The following CSGALNACT1 variants were observed in gnomAD, a reference collection of about 807,000 sequenced individuals.
CSGALNACT1 encodes the protein beta4GalNAcT-1.
CSGALNACT1 carries 52 observed loss-of-function variants against 51.0 expected under a neutral mutation model. The ratio of observed to expected loss-of-function variants is 1.02; its 90% confidence interval spans 0.82 to 1.29. The LOEUF (loss-of-function observed/expected upper bound fraction) is 1.29. Ranked by LOEUF, CSGALNACT1 falls within the 50% of genes most tolerant of loss-of-function variation. The pLI, the probability that CSGALNACT1 is intolerant of heterozygous loss-of-function variation, is 0.00. For missense variants in CSGALNACT1, 935 were observed against 679.2 expected, an observed-to-expected ratio of 1.38 and a Z score of -4.19; for synonymous variants, 341 against 254.4, an observed-to-expected ratio of 1.34 and a Z score of -3.24.
intron 3 of CSGALNACT1, among the ~76,000 whole-genome samples, chr8:19,506,711 G>A (rs188739901): frequency 6.6e-6 from 1 of 152,226 alleles, no homozygotes; most frequent in East Asian, 1.9e-4. Context: ...TTGTTGAAAA[G>A]AGCCTGGCTC....
At chr8:19,518,038 G>C (rs1254051854) in intron 3 of CSGALNACT1, among the ~76,000 whole-genome samples, 8 of 152,206 alleles carry the variant, frequency 5.3e-5, no homozygotes, top group Admixed American at 5.2e-4. Context: ...GGAGAGATCA[G>C]GGTCTGAGGT....
intron 1 of CSGALNACT1, among the ~76,000 whole-genome samples, chr8:19,709,312 ATATAT>A (rs1434953755): frequency 6.6e-6 from 1 of 152,218 alleles, no homozygotes; most frequent in Non-Finnish European, 1.5e-5. Context: ...CGTTATATGT[ATATAT>A]TATACCAGGC....
chr8:19,753,531 C>T (rs75211338), intron 1 of CSGALNACT1, among the ~76,000 whole-genome samples: 32,353 of 152,024 alleles, frequency 0.21, 3,551 homozygotes, highest in African/African-American at 0.24. Flanking sequence ...GTTGTGGTTT[C>T]GTTGGGTTTT....
chr8:19,570,780 A>G (rs371162765), intron 3 of CSGALNACT1, among the ~76,000 whole-genome samples: 9 of 152,118 alleles, frequency 5.9e-5, no homozygotes, highest in African/African-American at 1.7e-4. Flanking sequence ...GGTGCCTGTA[A>G]TCCCAGCTAC....
At chr8:19,485,328 T>A (rs2072604958) in intron 4 of CSGALNACT1, among the ~76,000 whole-genome samples, 1 of 152,148 alleles carries the variant, frequency 6.6e-6, no homozygotes, top group Admixed American at 6.5e-5. Context: ...ATGCTGCTCC[T>A]ACCTTCAAAA....
At chr8:19,666,797 A>C (rs897912462) in intron 1 of CSGALNACT1, among the ~76,000 whole-genome samples, 1 of 22,012 alleles carries the variant, frequency 4.5e-5, no homozygotes, top group Non-Finnish European at 7.8e-5. Flanking sequence ...GAAAGAAAGA[A>C]AGAAAGAAAG....
rs560971121 is a variant in CSGALNACT1 at position 19,407,653 on chromosome 8, T to C, written c.1309+960A>G. 4.8e-4 allele frequency among the ~76,000 whole-genome samples: 73 copies of C among 152,312 alleles called. 1 individual carries two copies. In the Middle Eastern group the frequency reaches 0.01, roughly 21 times the overall value. ...GAGGATCTCTTTCCCTTTGACATGC[T>C]TGGTCTCCTCACCTAGATCCCAAGG... On this transcript the variant is annotated intron_variant, in intron 9 of 9. Transcript: ENST00000454498.
At chr8:19,502,834 G>A (rs767461013) in intron 4 of CSGALNACT1, among the ~76,000 whole-genome samples, 1 of 152,030 alleles carries the variant, frequency 6.6e-6, no homozygotes, top group Non-Finnish European at 1.5e-5. Context: ...AACCAGGATT[G>A]AAAAGGTCCC....
At chr8:19,717,370 A>G (rs902815978) in intron 1 of CSGALNACT1, among the ~76,000 whole-genome samples, 6 of 152,226 alleles carry the variant, frequency 3.9e-5, no homozygotes, top group African/African-American at 1.4e-4. Context: ...GACTGCAGAA[A>G]ATATCTTCTG....
At chr8:19,596,245 A>C (rs1033952699) in intron 2 of CSGALNACT1, among the ~76,000 whole-genome samples, 11 of 152,262 alleles carry the variant, frequency 7.2e-5, no homozygotes, top group African/African-American at 2.4e-4. Context: ...CCTATGTGTC[A>C]GCTGAACATT....
chr8:19,729,927 C>T (rs2063599146), intron 1 of CSGALNACT1, among the ~76,000 whole-genome samples: 1 of 152,122 alleles, frequency 6.6e-6, no homozygotes, highest in African/African-American at 2.4e-5. Flanking sequence ...TTCATTTCCC[C>T]AGCACCTTCA....
chr8:19,646,860 A>G (rs2057326193), intron 1 of CSGALNACT1, among the ~76,000 whole-genome samples: 1 of 152,218 alleles, frequency 6.6e-6, no homozygotes, highest in African/African-American at 2.4e-5. Context: ...AGAGGGGGAT[A>G]AGAGACACAC....
At position 19,406,400 on chromosome 8, in the gene CSGALNACT1, C is replaced by T. The variant is rs368355214; in HGVS notation, c.1310-331G>A. On this transcript the variant is annotated intron_variant, in intron 9 of 9. Coordinates refer to ENST00000454498, the Ensembl canonical transcript of CSGALNACT1. ...GGGTACAAAAATAAGATCTAGTATT[C>T]GGTAGCATTATTACTGACAGACTTA... Among the ~76,000 whole-genome samples, 13 of 151,428 alleles carry T rather than the reference C, an allele frequency of 8.6e-5. 1 individual carries two copies. The East Asian group carries it at 1.9e-3, about 23-fold the overall frequency.
intron 5 of CSGALNACT1, among the ~76,000 whole-genome samples, chr8:19,453,115 A>C (rs561674107): frequency 1.1e-3 from 160 of 152,352 alleles, no homozygotes; most frequent in African/African-American, 3.7e-3. Context: ...ATAAAATTAA[A>C]AGAAAAAGTT....
intron 4 of CSGALNACT1, among the ~76,000 whole-genome samples, chr8:19,474,367 A>T (rs1175149360): frequency 1.3e-5 from 2 of 152,176 alleles, no homozygotes; most frequent in African/African-American, 4.8e-5. Context: ...CAGTATTTTT[A>T]AAATTTACTT....
At chr8:19,541,585 A>T (rs1176700888) in intron 3 of CSGALNACT1, among the ~76,000 whole-genome samples, 10 of 54,682 alleles carry the variant, frequency 1.8e-4, no homozygotes, top group Non-Finnish European at 3.1e-4. Context: ...TTTTTAGTAG[A>T]GACAGGAATT....
intron 5 of CSGALNACT1, among the ~76,000 whole-genome samples, chr8:19,440,327 T>C (rs1024128709): frequency 6.6e-6 from 1 of 152,094 alleles, no homozygotes; most frequent in Non-Finnish European, 1.5e-5. Flanking sequence ...AATAAAATAC[T>C]GGCAAACCGA....
rs140673526 is a variant in CSGALNACT1, at chr8:19,410,269, C to G, written c.1228-1575G>C. 1.6e-4 allele frequency among the ~76,000 whole-genome samples: 24 copies of G among 152,244 alleles called. No homozygotes were observed. The East Asian group carries it at 4.2e-3, about 27-fold the overall frequency. ...GTACGGGACCGTTATACAGTATCTC[C>G]CAAATGACAAGTCAATTTCATTAGT... On this transcript the variant is annotated intron_variant, in intron 8 of 9. Transcript: ENST00000454498.
intron 6 of CSGALNACT1, among the ~76,000 whole-genome samples, chr8:19,432,372 C>A (rs892687458): frequency 6.6e-6 from 1 of 152,094 alleles, no homozygotes; most frequent in African/African-American, 2.4e-5. Flanking sequence ...CTTTCTCTGT[C>A]TTTGGATTTC....
Sources: gnomAD v4.1 joint callset for allele counts (sites outside exome capture counted in the v4.1 genomes callset) on GRCh38, gnomAD v4.1.1 for gene constraint, MANE v1.5 for transcripts, NCBI Gene and HGNC (gene_info 2026-07-23, HGNC 2026-07-21) for gene names.